DENND1A: variants seen among roughly 807,000 people sequenced by gnomAD.
The protein encoded by DENND1A is DENN domain-containing protein 1A.
In DENND1A, 51 loss-of-function variants were observed where a neutral mutation model predicts 113.7. The ratio of observed to expected loss-of-function variants is 0.45; its 90% CI spans 0.36 to 0.57. DENND1A has a LOEUF of 0.57. Among genes scored for constraint, DENND1A ranks in the 20% least tolerant of loss-of-function variants. The pLI is 0.00. For synonymous variants in DENND1A, 565 were observed against 570.8 expected (o/e 0.99, Z 0.14); for missense variants, 1,258 against 1,395.9 (o/e 0.90, Z 1.57).
chr9:123,490,684 AAC>A (rs978469123), intron 13 of DENND1A, among the ~76,000 whole-genome samples: 3 of 152,212 alleles, frequency 2.0e-5, no homozygotes, highest in African/African-American at 7.2e-5. Context: ...TTAAAAAAAA[AAC>A]AAGGTAAATT....
intron 13 of DENND1A, among the ~76,000 whole-genome samples, chr9:123,541,067 T>C (rs1359643551): frequency 2.6e-5 from 4 of 152,242 alleles, no homozygotes; most frequent in African/African-American, 7.2e-5. Context: ...ATTTTCATCT[T>C]TGTTTACTCT....
chr9:123,692,346 C>A (rs1314564297), intron 5 of DENND1A, among the ~76,000 whole-genome samples: 1 of 152,208 alleles, frequency 6.6e-6, no homozygotes, highest in Non-Finnish European at 1.5e-5. Context: ...CACAGATGTT[C>A]TTTCCAATTA....
intron 23 of DENND1A, 133 bp from the exon 24 acceptor site, chr9:123,382,758 G>C: frequency 1.0e-6 from 1 of 957,780 alleles, no homozygotes; most frequent in East Asian, 2.6e-5. Context: ...CTCGGACTTG[G>C]AACAGCTGAG....
At chr9:123,385,519 G>T (rs1233569892) in intron 22 of DENND1A, among the ~76,000 whole-genome samples, 1 of 152,208 alleles carries the variant, frequency 6.6e-6, no homozygotes, top group Non-Finnish European at 1.5e-5. Flanking sequence ...ACGTCAGGCG[G>T]AGATGGTGCC....
At chr9:123,587,324 T>A (rs2059226559) in intron 11 of DENND1A, among the ~76,000 whole-genome samples, 1 of 152,218 alleles carries the variant, frequency 6.6e-6, no homozygotes. Flanking sequence ...CAGTAATTTC[T>A]AACAGAGCCT....
In DENND1A at chr9:123,421,444, G is replaced by A. The variant is rs367847192; in HGVS notation, c.1489-9615C>T. Among the ~76,000 whole-genome samples, 13 of 152,146 alleles carry A rather than the reference G, an allele frequency of 8.5e-5. No individual in the cohort carries two copies. The East Asian group carries it at 9.7e-4, about 11-fold the overall frequency. ...CAACAGCAGAAGAAGATGTTAAAAC[G>A]TATCTCCTCGGGTCCGCTCCTCTCT... On this transcript the variant is annotated intron_variant, in intron 19 of 23. Coordinates refer to ENST00000394215, the MANE Select transcript of DENND1A (RefSeq NM_001352964.2).
chr9:123,531,602 C>CACAT (rs1357514670), intron 13 of DENND1A, among the ~76,000 whole-genome samples: 1 of 147,532 alleles, frequency 6.8e-6, no homozygotes, highest in South Asian at 2.1e-4. Context: ...CACACACACA[C>CACAT]AGAAGGCAAT....
chr9:123,706,119 A>G (rs376487186), intron 5 of DENND1A, among the ~76,000 whole-genome samples: 6 of 151,694 alleles, frequency 4.0e-5, no homozygotes, highest in African/African-American at 1.5e-4. Flanking sequence ...AGGTGGAGCT[A>G]CATCAACAGA....
At chr9:123,715,796 C>A (rs1343500790) in intron 5 of DENND1A, among the ~76,000 whole-genome samples, 4 of 152,144 alleles carry the variant, frequency 2.6e-5, no homozygotes, top group African/African-American at 9.7e-5. Flanking sequence ...CTCAACTCAG[C>A]CTACTGAGTA....
chr9:123,870,797 C>T (rs535315605), intron 2 of DENND1A, among the ~76,000 whole-genome samples: 1 of 152,136 alleles, frequency 6.6e-6, no homozygotes, highest in African/African-American at 2.4e-5. Flanking sequence ...AAGTAAACCT[C>T]TTTGAGTCTC....
At chr9:123,870,418 C>T (rs553589747) in intron 2 of DENND1A, among the ~76,000 whole-genome samples, 3 of 151,466 alleles carry the variant, frequency 2.0e-5, no homozygotes, top group South Asian at 2.1e-4. Flanking sequence ...TACAAGTGCC[C>T]GCCACCATGC....
chr9:123,485,868 T>C (rs747048325), intron 13 of DENND1A, among the ~76,000 whole-genome samples: 2 of 152,342 alleles, frequency 1.3e-5, no homozygotes, highest in African/African-American at 4.8e-5. Context: ...CTCTCATGCC[T>C]AGGCTTCTGG....
At chr9:123,707,408 A>T (rs576999480) in intron 5 of DENND1A, among the ~76,000 whole-genome samples, 2 of 152,116 alleles carry the variant, frequency 1.3e-5, no homozygotes, top group African/African-American at 4.8e-5. Context: ...AAAGGAAAAA[A>T]AAAAAAAAGA....
At chr9:123,864,400 G>A (rs1000905439) in intron 2 of DENND1A, among the ~76,000 whole-genome samples, 2 of 152,160 alleles carry the variant, frequency 1.3e-5, no homozygotes, top group African/African-American at 4.8e-5. Context: ...AAATTCCCAT[G>A]ATTCCAGACC....
intron 2 of DENND1A, among the ~76,000 whole-genome samples, chr9:123,800,221 G>T (rs1441383149): frequency 6.6e-6 from 1 of 152,210 alleles, no homozygotes; most frequent in Non-Finnish European, 1.5e-5. Flanking sequence ...AAACCCTGAG[G>T]TGAATCTGTA....
chr9:123,582,276 G>A (rs1231129596), intron 12 of DENND1A, among the ~76,000 whole-genome samples: 1 of 152,224 alleles, frequency 6.6e-6, no homozygotes, highest in Admixed American at 6.5e-5. Context: ...GCGTGCTGGG[G>A]AGAGCTGGCG....
intron 11 of DENND1A, among the ~76,000 whole-genome samples, chr9:123,604,475 G>A (rs2060062753): frequency 6.6e-6 from 1 of 152,104 alleles, no homozygotes; most frequent in Non-Finnish European, 1.5e-5. Context: ...TATAAACATG[G>A]TGCCCCGTAC....
chr9:123,840,099 T>TC (rs1395124395), intron 2 of DENND1A, among the ~76,000 whole-genome samples: 3 of 149,892 alleles, frequency 2.0e-5, no homozygotes, highest in Non-Finnish European at 4.4e-5. Context: ...TTTTTTTTTT[T>TC]CAAGAATTCT....
chr9:123,875,224 A>G (rs748811428), intron 2 of DENND1A, among the ~76,000 whole-genome samples: 8 of 152,188 alleles, frequency 5.3e-5, no homozygotes, highest in Non-Finnish European at 1.5e-5. Context: ...ACTATGAAGA[A>G]AAACAAAGAG....
Sources: allele counts gnomAD v4.1 joint callset (sites outside exome capture counted in the v4.1 genomes callset), GRCh38; gene constraint gnomAD v4.1.1; transcripts MANE v1.5; gene names NCBI Gene and HGNC (gene_info 2026-07-23, HGNC 2026-07-21).